Variants in DHCR24 observed in about 807,000 individuals in gnomAD.
DHCR24 encodes the protein 24-dehydrocholesterol reductase.
In DHCR24, 28 loss-of-function variants were observed where a neutral mutation model predicts 61.2. That is an observed-to-expected ratio of 0.46 (90% CI 0.34 to 0.63). DHCR24 has a LOEUF of 0.63. Among genes scored for constraint, DHCR24 ranks in the 20% least tolerant of loss-of-function variants. The probability of loss-of-function intolerance (pLI) is 0.01; values close to 1 mark genes in which losing one functional copy is unlikely to be tolerated. For synonymous variants in DHCR24, 261 were observed against 275.9 expected (o/e 0.95, Z 0.54); for missense variants, 538 against 679.1 (o/e 0.79, Z 2.31).
chr1:54,866,745 G>A (rs2101566604), intron 5 of DHCR24, among the ~76,000 whole-genome samples: 1 of 148,124 alleles, frequency 6.8e-6, no homozygotes, highest in South Asian at 2.2e-4. Context: ...CCACCCGCTT[G>A]TGCAGGCCCA....
intron 6 of DHCR24, among the ~76,000 whole-genome samples, chr1:54,854,648 G>A (rs1364622873): frequency 2.0e-5 from 3 of 152,222 alleles, no homozygotes; most frequent in Non-Finnish European, 4.4e-5. Flanking sequence ...TTTGAGAAAC[G>A]AATGCTGTTG....
chr1:54,886,868 G>A (rs778120716), intron 1 of DHCR24, 21 bp downstream of exon 1: 5 of 1,609,612 alleles, frequency 3.1e-6, no homozygotes, highest in African/African-American at 1.3e-5. Context: ...CTGAGTCCCG[G>A]CCGCACCCGG....
At chr1:54,874,891 C>T (rs1468202527) in intron 4 of DHCR24, among the ~76,000 whole-genome samples, 3 of 152,064 alleles carry the variant, frequency 2.0e-5, no homozygotes, top group Admixed American at 2.0e-4. Flanking sequence ...TGAAGGATAA[C>T]ATGCATGCCT....
At position 54,861,171 on chromosome 1, in the gene DHCR24, TG is replaced by T. The variant is rs763073659; in HGVS notation, c.1020+4131del. Among the ~76,000 whole-genome samples the T allele has an allele frequency of 7.6e-4, 115 of 152,176 alleles. 1 individual carries two copies. Among genetic ancestry groups the T allele is most frequent in the Admixed American group, 1.6e-3 (25 of 15,282 alleles). On this transcript the variant is annotated intron_variant, in intron 6 of 8. Coordinates refer to ENST00000371269, the MANE Select transcript of DHCR24 (RefSeq NM_014762.4). Reference sequence around the variant, plus strand: ...AGGAGGGGACAGAAATTACTACCCGTGGGGATCCAGTGTGGGAGCGGAAGTG... The same window carrying T: ...AGGAGGGGACAGAAATTACTACCCGTGGGATCCAGTGTGGGAGCGGAAGTG...
At chr1:54,870,242 A>C (rs1358241724) in intron 5 of DHCR24, among the ~76,000 whole-genome samples, 1 of 152,068 alleles carries the variant, frequency 6.6e-6, no homozygotes, top group Non-Finnish European at 1.5e-5. Flanking sequence ...TAAGAAAATA[A>C]ATAAATAAAA....
At position 54,854,179 on chromosome 1, in the gene DHCR24, A is replaced by G. The variant is rs757376452; in HGVS notation, c.1076T>C (p.Val359Ala). The stretch of plus-strand genomic sequence containing the variant: ...CTTCAGGAGGGAGATCTTGGGAGGC[A>G]CCATCCAGCCAAAGAGGTAGCGGAA... ...PIFRYLFGWM[V>A]PPKISLLKLT... Residue 359 changes from valine (V) to alanine (A), a missense_variant, in exon 7 of 9, where the codon GTG (valine) becomes GCG (alanine). Transcript: ENST00000371269. The G allele has an allele frequency of 5.6e-6, 9 of 1,614,012 alleles. No homozygotes were observed. The South Asian group carries it at 9.9e-5, about 18-fold the overall frequency.
intron 5 of DHCR24, among the ~76,000 whole-genome samples, chr1:54,868,519 G>A (rs993386949): frequency 6.6e-6 from 1 of 152,018 alleles, no homozygotes; most frequent in Non-Finnish European, 1.5e-5. Flanking sequence ...GATGTTCATT[G>A]CTCCATTAAT....
chr1:54,871,201 T>C (rs1363104260), intron 5 of DHCR24, 149 bp downstream of exon 5: 2 of 824,322 alleles, frequency 2.4e-6, no homozygotes, highest in South Asian at 1.5e-5. Flanking sequence ...TTTCTGATGA[T>C]AGATCCTGTT....
rs1180327135 is a variant in DHCR24 at position 54,871,472 on chromosome 1, A to G, written c.754T>C (p.Cys252Arg). 1 of 1,614,230 alleles carries G rather than the reference A, an allele frequency of 6.2e-7. No homozygotes were observed. Among genetic ancestry groups the G allele is most frequent in the South Asian group, 1.1e-5 (1 of 91,086 alleles). ...TGGGACTCGTGGGTGAACTTGGCAC[A>G]GATAGCCTCCAGGCCCCGCACTGGC... ...FEPVRGLEAI[C>R]AKFTHESQRQ... is the part of the protein sequence containing the mutation. Residue 252 changes from cysteine (C) to arginine (R), a missense_variant, in exon 5 of 9, where the codon TGT becomes CGT. Cys to Arg is a radical substitution (Grantham distance 180). Coordinates refer to ENST00000371269, the MANE Select transcript of DHCR24 (RefSeq NM_014762.4).
intron 6 of DHCR24, among the ~76,000 whole-genome samples, chr1:54,862,894 G>A (rs187282498): frequency 4.6e-5 from 7 of 152,136 alleles, no homozygotes; most frequent in African/African-American, 9.6e-5. Flanking sequence ...GGCTAACATG[G>A]TGAAACCCCG....
chr1:54,852,508 C>G, intron 8 of DHCR24, 122 bp from the exon 9 acceptor site: 1 of 1,084,500 alleles, frequency 9.2e-7, no homozygotes, highest in Non-Finnish European at 1.4e-6. Flanking sequence ...CTTGTTTAAC[C>G]CCGTTAACCT....
rs1367930337 is a variant in DHCR24 at position 54,865,336 on chromosome 1, G to C, written c.987C>G (p.His329Gln). 5 of 1,613,970 alleles carry C rather than the reference G, an allele frequency of 3.1e-6. No homozygotes were observed. The highest frequency in any genetic ancestry group is 4.2e-6 in the Non-Finnish European group (5 of 1,179,914). Reference protein sequence around the residue: ...LEYIPLRHYYHRHTRSIFWEL... With the variant: ...LEYIPLRHYYQRHTRSIFWEL... ...CCCAGAAGATGCTGCGCGTGTGGCG[G>C]TGGTAGTAGTGTCTCAAGGGAATGT... The change falls in exon 6 of 9, where the codon CAC (histidine) becomes CAG (glutamine). Residue 329 changes from histidine (H) to glutamine (Q), a missense_variant. Coordinates refer to ENST00000371269, the MANE Select transcript of DHCR24 (RefSeq NM_014762.4).
chr1:54,886,831 C>G, intron 1 of DHCR24, 58 bp downstream of exon 1: 1 of 1,588,010 alleles, frequency 6.3e-7, no homozygotes. Flanking sequence ...TCGCGTCCCG[C>G]TATCCCCGCG....
At position 54,883,796 on chromosome 1, in the gene DHCR24, G is replaced by T. The variant is rs1310976826; in HGVS notation, c.232-23C>A. On this transcript the variant is annotated intron_variant, in intron 1 of 8. Coordinates refer to ENST00000371269, the MANE Select transcript of DHCR24 (RefSeq NM_014762.4). This position sits in a 1 kb window ranked among gnomAD's most constrained non-coding sequence, Gnocchi z 4.3. Reference sequence around the variant, plus strand: ...CACCTGCAACCACAGGACAGAGGGTGAGCTGGCCCCACTGGGAATCCCCAG... The same window carrying T: ...CACCTGCAACCACAGGACAGAGGGTTAGCTGGCCCCACTGGGAATCCCCAG... The T allele has an allele frequency of 9.9e-6, 16 of 1,613,544 alleles. No homozygotes were observed. Among genetic ancestry groups the T allele is most frequent in the Non-Finnish European group, 8.5e-6 (10 of 1,180,036 alleles).
At chr1:54,868,147 A>T (rs570835923) in intron 5 of DHCR24, among the ~76,000 whole-genome samples, 103 of 152,276 alleles carry the variant, frequency 6.8e-4, no homozygotes, top group Middle Eastern at 3.4e-3. Flanking sequence ...AGGGATGCCT[A>T]TCCTTTGATC....
In DHCR24 at chr1:54,887,136, G is replaced by A. The variant is rs749742812; in HGVS notation, c.-17C>T. On this transcript the variant is annotated 5_prime_UTR_variant, in exon 1 of 9. Transcript: ENST00000371269. ...GGGCTCCATGGTGCGGCGCCGCGCG[G>A]TAAGCGCTGCGGGTTCGCGCCTCCT... 2 of 1,551,920 alleles carry A rather than the reference G, an allele frequency of 1.3e-6. No homozygotes were observed. The highest frequency in any genetic ancestry group is 1.7e-6 in the Non-Finnish European group (2 of 1,149,446).
intron 4 of DHCR24, 88 bp from the exon 5 acceptor site, chr1:54,871,701 G>A: frequency 1.3e-6 from 2 of 1,551,528 alleles, no homozygotes; most frequent in Non-Finnish European, 1.8e-6. Context: ...GCCTGGGAGA[G>A]TCCCTATTCT....
intron 2 of DHCR24, among the ~76,000 whole-genome samples, chr1:54,879,169 A>T (rs1422425936): frequency 6.6e-6 from 1 of 152,032 alleles, no homozygotes; most frequent in African/African-American, 2.4e-5. Flanking sequence ...ATACAAAAAA[A>T]TTAGCCAGGC....
chr1:54,886,798 G>T, intron 1 of DHCR24, 91 bp downstream of exon 1: 1 of 1,151,290 alleles, frequency 8.7e-7, no homozygotes, highest in Non-Finnish European at 1.1e-6. Context: ...GGCCGCCCCC[G>T]CACCGCAGCT....
Sources: allele counts gnomAD v4.1 joint callset (sites outside exome capture counted in the v4.1 genomes callset), GRCh38; gene constraint gnomAD v4.1.1; non-coding constraint Gnocchi (gnomAD v3.1); transcripts MANE v1.5; gene names NCBI Gene and HGNC (gene_info 2026-07-23, HGNC 2026-07-21).